Variants in CLSTN2 observed in about 807,000 individuals in gnomAD.
CLSTN2 encodes the protein calsyntenin-2.
CLSTN2 carries 48 observed loss-of-function variants against 101.2 expected under a neutral mutation model. The observed-to-expected ratio is 0.47, with a 90% confidence interval of 0.38 to 0.60. The LOEUF is 0.60. Among genes scored for constraint, CLSTN2 ranks in the 20% least tolerant of loss-of-function variants. The pLI is 0.00. For missense variants in CLSTN2, 1,160 were observed against 1,238.2 expected (o/e 0.94, Z 0.95); for synonymous variants, 481 against 463.6 (o/e 1.04, Z -0.48).
At chr3:140,151,181 A>G (rs1373986261) in intron 1 of CLSTN2, among the ~76,000 whole-genome samples, 1 of 152,136 alleles carries the variant, frequency 6.6e-6, no homozygotes, top group Non-Finnish European at 1.5e-5. Flanking sequence ...GTAGTTTGCA[A>G]ATATAAACAG....
chr3:140,370,887 C>A (rs1005229886), intron 2 of CLSTN2, among the ~76,000 whole-genome samples: 5 of 151,932 alleles, frequency 3.3e-5, no homozygotes, highest in African/African-American at 1.2e-4. Flanking sequence ...ACCGGCCCCA[C>A]CCACCCCTAA....
chr3:140,044,325 CTGTT>C (rs1484613848), intron 1 of CLSTN2, among the ~76,000 whole-genome samples: 17 of 152,252 alleles, frequency 1.1e-4, no homozygotes, highest in African/African-American at 3.1e-4. Flanking sequence ...ATTTGGCTCT[CTGTT>C]TGTCTGTTAT....
intron 5 of CLSTN2, among the ~76,000 whole-genome samples, chr3:140,423,082 CAGA>C (rs2088523210): frequency 6.6e-6 from 1 of 152,198 alleles, no homozygotes. Context: ...ACAGCTATGT[CAGA>C]AGAATAGTCC....
At chr3:140,445,072 C>A (rs1003618322) in intron 5 of CLSTN2, among the ~76,000 whole-genome samples, 1 of 152,140 alleles carries the variant, frequency 6.6e-6, no homozygotes, top group Non-Finnish European at 1.5e-5. Context: ...TTGCCTGCTC[C>A]TCATAAACCC....
Position 140,448,620 on chromosome 3 carries a change from A to T in CLSTN2, c.889A>T (p.Ile297Phe). Residue 297 changes from isoleucine to phenylalanine, a missense_variant, in exon 6 of 17, where the codon ATC (isoleucine) becomes TTC (phenylalanine). Coordinates refer to ENST00000458420, the MANE Select transcript of CLSTN2 (RefSeq NM_022131.3). ...TCDGAVSSLQ[I>F]VTELQTNYIG... is the part of the protein sequence containing the mutation. Reference sequence around the variant, plus strand: ...CGATGGAGCCGTGTCTTCCCTCCAGATCGTCACAGAGCTGCAGACTAATTA... The same window carrying T: ...CGATGGAGCCGTGTCTTCCCTCCAGTTCGTCACAGAGCTGCAGACTAATTA... 6.2e-7 allele frequency: 1 copy of T among 1,614,078 alleles called. No homozygotes were observed. The highest frequency in any genetic ancestry group is 1.3e-5 in the African/African-American group (1 of 75,022).
chr3:140,282,357 AG>A (rs2086856271), intron 2 of CLSTN2, among the ~76,000 whole-genome samples: 1 of 152,124 alleles, frequency 6.6e-6, no homozygotes, highest in Non-Finnish European at 1.5e-5. Context: ...AGGTGCAGAG[AG>A]GTGACACCAT....
intron 2 of CLSTN2, among the ~76,000 whole-genome samples, chr3:140,305,201 C>A (rs1455846129): frequency 1.3e-5 from 2 of 152,094 alleles, no homozygotes; most frequent in African/African-American, 4.8e-5. Flanking sequence ...GCTGTCACCA[C>A]ACAAGACAGG....
At chr3:140,079,424 T>G (rs899900884) in intron 1 of CLSTN2, among the ~76,000 whole-genome samples, 2 of 152,106 alleles carry the variant, frequency 1.3e-5, no homozygotes, top group Non-Finnish European at 2.9e-5. Context: ...GCAAATGTGG[T>G]AGGATCATGT....
intron 1 of CLSTN2, among the ~76,000 whole-genome samples, chr3:139,998,138 T>G (rs374997299): frequency 2.0e-5 from 3 of 152,190 alleles, no homozygotes; most frequent in East Asian, 1.9e-4. Flanking sequence ...GGTCTTCTAG[T>G]GCAGTGTTGG....
At chr3:140,406,250 C>T (rs888650347) in intron 4 of CLSTN2, among the ~76,000 whole-genome samples, 2 of 152,208 alleles carry the variant, frequency 1.3e-5, no homozygotes, top group Admixed American at 1.3e-4. Context: ...CTTCTGTACC[C>T]TGAGACTGCG....
chr3:140,563,990 A>T lies in CLSTN2; in HGVS notation c.2512A>T (p.Ile838Phe). The stretch of plus-strand genomic sequence containing the variant: ...CCCAAGCATTGCCACAGTGGTCATC[A>T]TCATCTCCGTGTGCATGCTTGTGTT... ...VVPSIATVVI[I>F]ISVCMLVFVV... The change falls in exon 16 of 17, where the codon ATC (isoleucine) becomes TTC (phenylalanine). Residue 838 changes from isoleucine to phenylalanine, a missense_variant. By Grantham distance (21) the Ile-to-Phe change is conservative. Transcript: ENST00000458420. 6.2e-7 allele frequency: 1 copy of T among 1,614,088 alleles called. No individual in the cohort carries two copies. The highest frequency in any genetic ancestry group is 8.5e-7 in the Non-Finnish European group (1 of 1,180,000).
intron 1 of CLSTN2, among the ~76,000 whole-genome samples, chr3:140,136,927 AG>A (rs1228318980): frequency 6.6e-6 from 1 of 152,212 alleles, no homozygotes; most frequent in Non-Finnish European, 1.5e-5. Context: ...AGATGGCTGA[AG>A]TCAGTTTATA....
intron 1 of CLSTN2, among the ~76,000 whole-genome samples, chr3:140,077,342 A>G (rs2008509799): frequency 6.6e-6 from 1 of 152,086 alleles, no homozygotes; most frequent in African/African-American, 2.4e-5. Context: ...CTGGCCCATG[A>G]TCAATCAGTT....
rs1171300069 is a variant in CLSTN2, at chr3:140,421,387, G to A, written c.787+113G>A. On this transcript the variant is annotated intron_variant, in intron 5 of 16. Coordinates refer to ENST00000458420, the MANE Select transcript of CLSTN2 (RefSeq NM_022131.3). ...TAACTTTTTAAAGTACAGTCACTTT[G>A]CTGTGAGAAATAAAGTAGCTTGCTT... 3 of 1,262,128 alleles carry A rather than the reference G, an allele frequency of 2.4e-6. No individual in the cohort carries two copies. The Admixed American group carries it at 6.3e-5, about 27-fold the overall frequency. The allele number at this position is 1,262,128 out of a possible 1,614,324, so 78.2% of individuals were successfully genotyped here.
intron 8 of CLSTN2, among the ~76,000 whole-genome samples, chr3:140,500,081 G>T (rs2107761874): frequency 6.6e-6 from 1 of 151,254 alleles, no homozygotes; most frequent in Non-Finnish European, 1.5e-5. Flanking sequence ...AAAAAAAAAA[G>T]TTCTCATTGA....
At chr3:140,081,542 A>T (rs898570997) in intron 1 of CLSTN2, among the ~76,000 whole-genome samples, 8 of 152,198 alleles carry the variant, frequency 5.3e-5, no homozygotes, top group African/African-American at 1.7e-4. Flanking sequence ...GAAATTGCTC[A>T]GTTTCTGCGC....
At chr3:140,277,806 G>C (rs986199503) in intron 2 of CLSTN2, among the ~76,000 whole-genome samples, 2 of 152,104 alleles carry the variant, frequency 1.3e-5, no homozygotes, top group South Asian at 4.2e-4. Flanking sequence ...TCACCTCAAA[G>C]ACACTACAAT....
intron 1 of CLSTN2, among the ~76,000 whole-genome samples, chr3:139,986,488 A>G (rs1242735905): frequency 6.6e-6 from 1 of 152,108 alleles, no homozygotes; most frequent in African/African-American, 2.4e-5. Flanking sequence ...CTGGAATACT[A>G]TAGGGAGGGT....
intron 2 of CLSTN2, among the ~76,000 whole-genome samples, chr3:140,292,055 C>T (rs964173785): frequency 1.8e-4 from 27 of 152,180 alleles, no homozygotes; most frequent in African/African-American, 6.3e-4. Context: ...CTCCCCTCCT[C>T]AATTCAATTC....
Sources: allele counts gnomAD v4.1 joint callset (sites outside exome capture counted in the v4.1 genomes callset), GRCh38; gene constraint gnomAD v4.1.1; transcripts MANE v1.5; gene names NCBI Gene and HGNC (gene_info 2026-07-23, HGNC 2026-07-21).